The following EPM2A variants were observed in gnomAD, a reference collection of about 807,000 sequenced individuals.
EPM2A encodes laforin.
A neutral mutation model predicts 26.5 loss-of-function variants in EPM2A; 21 were observed. That is an observed-to-expected ratio of 0.79 (90% CI 0.56 to 1.14). EPM2A has a LOEUF of 1.14. Ranked by LOEUF, EPM2A falls within the 50% of genes most tolerant of loss-of-function variation. EPM2A has a pLI of 0.00. For missense variants in EPM2A, 458 were observed against 440.8 expected (o/e 1.04, Z -0.35); for synonymous variants, 217 against 177.6 (o/e 1.22, Z -1.76).
chr6:145,454,589 A>C (rs1452258049), intron 4 of EPM2A, among the ~76,000 whole-genome samples: 1 of 152,228 alleles, frequency 6.6e-6, no homozygotes, highest in Non-Finnish European at 1.5e-5. Context: ...AAACCTTGCT[A>C]TGCAAAGGGG....
intron 3 of EPM2A, chr6:145,634,943 G>T: frequency 3.3e-6 from 1 of 307,564 alleles, no homozygotes; most frequent in Non-Finnish European, 6.2e-6. Flanking sequence ...AGGACAATGC[G>T]CTCCGTGGGG....
Position 145,686,291 on chromosome 6 carries a change from C to A in EPM2A, c.307G>T (p.Gly103Ter), listed in dbSNP as rs746611035. ...PGGELSWEGNGPHHDRCCTYN... is the reference protein window; with the variant it reads ...PGGELSWEGN ...GTACAGCAACGGTCATGATGAGGTC[C>A]ATTGCCTAGAACAAGAAAAAATGAT... Residue 103 changes from glycine (G) to a stop codon, truncating the protein, a stop_gained, in exon 2 of 4, where the codon GGA (glycine) becomes TGA (stop). Transcript: ENST00000367519. LOFTEE classifies it high-confidence loss of function. 4 of 1,613,328 alleles carry A rather than the reference C, an allele frequency of 2.5e-6. No individual in the cohort carries two copies. Among genetic ancestry groups the A allele is most frequent in the Non-Finnish European group, 3.4e-6 (4 of 1,179,398 alleles).
intron 4 of EPM2A, among the ~76,000 whole-genome samples, chr6:145,475,220 T>C (rs1779526561): frequency 6.6e-6 from 1 of 152,164 alleles, no homozygotes; most frequent in African/African-American, 2.4e-5. Context: ...CCAATCCAAA[T>C]GCCCATCAAT....
chr6:145,540,691 T>C (rs932277910), intron 2 of EPM2A, among the ~76,000 whole-genome samples: 19 of 152,206 alleles, frequency 1.2e-4, no homozygotes, highest in African/African-American at 4.3e-4. Flanking sequence ...ATTTGTCTTT[T>C]ACTAGTAAAG....
At chr6:145,491,118 T>A in intron 4 of EPM2A, 2 of 596,340 alleles carry the variant, frequency 3.4e-6, no homozygotes, top group South Asian at 1.4e-5. Flanking sequence ...CCACCTTTTT[T>A]CTTGTGGTAT....
chr6:145,648,981 C>A (rs1392783545), intron 2 of EPM2A, among the ~76,000 whole-genome samples: 1 of 152,124 alleles, frequency 6.6e-6, no homozygotes, highest in Non-Finnish European at 1.5e-5. Context: ...ATAAAGGATT[C>A]ATTTAAGCAT....
intron 4 of EPM2A, among the ~76,000 whole-genome samples, chr6:145,385,159 T>G (rs1429241674): frequency 6.8e-6 from 1 of 147,908 alleles, no homozygotes; most frequent in Non-Finnish European, 1.5e-5. Flanking sequence ...TATACCCATT[T>G]AAAAAATAAC....
At chr6:145,552,256 A>G (rs1461958117) in intron 2 of EPM2A, among the ~76,000 whole-genome samples, 1 of 152,050 alleles carries the variant, frequency 6.6e-6, no homozygotes, top group Admixed American at 6.6e-5. Flanking sequence ...AAGCCAATAC[A>G]TCTCAAGTAG....
intron 2 of EPM2A, among the ~76,000 whole-genome samples, chr6:145,604,627 T>C (rs1781458780): frequency 6.6e-6 from 1 of 152,114 alleles, no homozygotes; most frequent in Admixed American, 6.5e-5. Flanking sequence ...ATCTCCAAAT[T>C]AAATAATTAA....
At chr6:145,521,031 T>C (rs1490648557) in intron 2 of EPM2A, among the ~76,000 whole-genome samples, 2 of 152,202 alleles carry the variant, frequency 1.3e-5, no homozygotes, top group Non-Finnish European at 2.9e-5. Flanking sequence ...AAAAAATTGA[T>C]GAGACAGGCA....
intron 2 of EPM2A, among the ~76,000 whole-genome samples, chr6:145,648,389 T>C (rs2128575596): frequency 6.6e-6 from 1 of 152,338 alleles, no homozygotes; most frequent in South Asian, 2.1e-4. Context: ...GTACTGAATA[T>C]TACAGCCACC....
rs139667389 is a variant in EPM2A at position 145,660,794 on chromosome 6, T to C, written c.477-25308A>G. On this transcript the variant is annotated intron_variant, in intron 2 of 3. Transcript: ENST00000367519. ...TCCAGCCTGGGAGACAGCAAGACTC[T>C]GCCATAAAATAACATAAAATAATAA... Among the ~76,000 whole-genome samples the C allele has an allele frequency of 2.8e-3, 420 of 152,260 alleles. 4 individuals carry two copies. Among genetic ancestry groups the C allele is most frequent in the African/African-American group, 9.6e-3 (401 of 41,556 alleles).
chr6:145,405,784 G>T (rs1322319144), intron 4 of EPM2A, among the ~76,000 whole-genome samples: 2 of 152,066 alleles, frequency 1.3e-5, no homozygotes, highest in Non-Finnish European at 2.9e-5. Flanking sequence ...TCTGGAAACT[G>T]TTGAATAGCT....
intron 2 of EPM2A, among the ~76,000 whole-genome samples, chr6:145,646,965 A>G (rs1463410448): frequency 6.6e-6 from 1 of 152,152 alleles, no homozygotes; most frequent in Non-Finnish European, 1.5e-5. Flanking sequence ...CAGAGTCATT[A>G]GCCCACCATA....
At chr6:145,417,782 A>C (rs902716467) in intron 4 of EPM2A, among the ~76,000 whole-genome samples, 1 of 151,952 alleles carries the variant, frequency 6.6e-6, no homozygotes, top group Non-Finnish European at 1.5e-5. Flanking sequence ...CCACAGCTGA[A>C]TCGTGAATGC....
At chr6:145,569,852 T>TAC (rs1554251475) in intron 2 of EPM2A, among the ~76,000 whole-genome samples, 1 of 127,696 alleles carries the variant, frequency 7.8e-6, no homozygotes, top group Non-Finnish European at 1.8e-5. Flanking sequence ...TAATGGAATA[T>TAC]ACATATATAT....
chr6:145,439,418 A>C (rs901130750), intron 4 of EPM2A, among the ~76,000 whole-genome samples: 1 of 151,872 alleles, frequency 6.6e-6, no homozygotes, highest in Non-Finnish European at 1.5e-5. Flanking sequence ...ACAAATTTAC[A>C]CTCCCACCAG....
intron 2 of EPM2A, among the ~76,000 whole-genome samples, chr6:145,658,870 C>G (rs1562453101): frequency 6.6e-6 from 1 of 151,920 alleles, no homozygotes; most frequent in Non-Finnish European, 1.5e-5. Context: ...CTCCATTTTC[C>G]TATTGTGTTT....
At chr6:145,490,111 A>G (rs1390980013) in intron 4 of EPM2A, 19 of 1,196,302 alleles carry the variant, frequency 1.6e-5, no homozygotes, top group Non-Finnish European at 2.0e-5. Flanking sequence ...GTTATATAAT[A>G]GTCATTGATA....
Sources: allele counts gnomAD v4.1 joint callset (sites outside exome capture counted in the v4.1 genomes callset), GRCh38; gene constraint gnomAD v4.1.1; transcripts MANE v1.5; gene names NCBI Gene and HGNC (gene_info 2026-07-23, HGNC 2026-07-21).